CSMD2: variants seen among roughly 807,000 people sequenced by gnomAD.
The protein encoded by CSMD2 is CUB and sushi domain-containing protein 2.
Under a neutral mutation model 398.5 loss-of-function variants are expected in CSMD2, and 130 were observed. The ratio of observed to expected loss-of-function variants is 0.33; its 90% CI spans 0.28 to 0.38. CSMD2 has a LOEUF of 0.38. CSMD2 is among the 10% of genes least tolerant of loss of function. The probability of loss-of-function intolerance (pLI) is 1.00; values close to 1 mark genes in which losing one functional copy is unlikely to be tolerated. For synonymous variants in CSMD2, 1,828 were observed against 1,908.5 expected (o/e 0.96, Z 1.10); for missense variants, 3,829 against 4,764.9 (o/e 0.80, Z 5.78).
chr1:34,052,970 AG>A (rs1347935251), intron 2 of CSMD2, among the ~76,000 whole-genome samples: 1 of 152,120 alleles, frequency 6.6e-6, no homozygotes, highest in Non-Finnish European at 1.5e-5. Flanking sequence ...ACAAAGAGCA[AG>A]CTGGTGATGG....
chr1:33,887,064 T>C (rs1039495566), intron 5 of CSMD2, among the ~76,000 whole-genome samples: 1 of 152,170 alleles, frequency 6.6e-6, no homozygotes, highest in Admixed American at 6.5e-5. Context: ...AAGTCCGTTC[T>C]CTTTCTTCTA....
chr1:33,750,755 A>C (rs1365143863), intron 13 of CSMD2, among the ~76,000 whole-genome samples: 2 of 152,230 alleles, frequency 1.3e-5, no homozygotes, highest in Non-Finnish European at 2.9e-5. Context: ...TGATGCTAGA[A>C]CAAATGGCTA....
At chr1:33,707,683 A>ACGCGCG (rs148089714) in intron 22 of CSMD2, among the ~76,000 whole-genome samples, 18 of 72,258 alleles carry the variant, frequency 2.5e-4, no homozygotes, top group Admixed American at 1.3e-3. Context: ...ACGCGTGCAC[A>ACGCGCG]CGCGCGCGCG....
Position 34,031,071 on chromosome 1 carries a change from G to C in CSMD2, c.517+1523C>G, listed in dbSNP as rs147746968. On this transcript the variant is annotated intron_variant, in intron 3 of 70. Transcript: ENST00000373381. Reference sequence around the variant, plus strand: ...ATAAATAGGATGACAAAAATCACAGGCTTGATATTGGTAGGAACTTTTTTT... The same window carrying C: ...ATAAATAGGATGACAAAAATCACAGCCTTGATATTGGTAGGAACTTTTTTT... Among the ~76,000 whole-genome samples, 236 of 152,074 alleles carry C rather than the reference G, an allele frequency of 1.6e-3. 1 individual carries two copies. The highest frequency in any genetic ancestry group is 2.9e-3 in the Non-Finnish European group (198 of 67,986).
At chr1:33,531,044 GTGACCATAGTTAATAACAA>G (rs1296043265) in intron 64 of CSMD2, among the ~76,000 whole-genome samples, 1 of 152,124 alleles carries the variant, frequency 6.6e-6, no homozygotes, top group East Asian at 1.9e-4. Context: ...GTACATCATG[GTGACCATAGTTAATAACAA>G]TGCACTGTGT....
intron 1 of CSMD2, among the ~76,000 whole-genome samples, chr1:34,161,263 C>T (rs771125): frequency 0.99 from 151,405 of 152,316 alleles, 75,253 homozygotes; most frequent in Middle Eastern, 1. Context: ...CAGCTGGATA[C>T]ATGGGTTACC....
chr1:33,987,071 G>T (rs976962487), intron 3 of CSMD2, among the ~76,000 whole-genome samples: 2 of 152,052 alleles, frequency 1.3e-5, no homozygotes, highest in African/African-American at 4.8e-5. Flanking sequence ...GCCCAGAGGG[G>T]CTAAGTTCAT....
chr1:33,764,547 C>A (rs1318916303), intron 13 of CSMD2, among the ~76,000 whole-genome samples: 1 of 152,152 alleles, frequency 6.6e-6, no homozygotes, highest in Non-Finnish European at 1.5e-5. Context: ...CTGGGACTTC[C>A]TAAGTTCCCT....
chr1:34,142,011 C>T (rs1003315244), intron 1 of CSMD2, among the ~76,000 whole-genome samples: 5 of 152,132 alleles, frequency 3.3e-5, no homozygotes, highest in South Asian at 2.1e-4. Context: ...CCACGTTGCA[C>T]GGTGACTGCT....
chr1:33,617,977 C>T (rs955808396), intron 37 of CSMD2, among the ~76,000 whole-genome samples: 10 of 151,902 alleles, frequency 6.6e-5, no homozygotes, highest in Non-Finnish European at 4.4e-5. Flanking sequence ...TAACTCCCCT[C>T]TGTCTTCCTT....
At position 34,014,538 on chromosome 1, in the gene CSMD2, G is replaced by A. The variant is rs552394328; in HGVS notation, c.517+18056C>T. On this transcript the variant is annotated intron_variant, in intron 3 of 70. Transcript: ENST00000373381. Reference sequence around the variant, plus strand: ...TCAGAGCCTGGGAATTCCCCAGTAGGCCATGGTGTGGAATCCACAGTCGCT... The same window carrying A: ...TCAGAGCCTGGGAATTCCCCAGTAGACCATGGTGTGGAATCCACAGTCGCT... 4.6e-5 allele frequency among the ~76,000 whole-genome samples: 7 copies of A among 152,344 alleles called. No homozygotes were observed. The South Asian group carries it at 1.2e-3, about 27-fold the overall frequency.
chr1:33,589,288 A>G (rs765801762), intron 44 of CSMD2, among the ~76,000 whole-genome samples: 7 of 152,184 alleles, frequency 4.6e-5, no homozygotes, highest in Non-Finnish European at 8.8e-5. Context: ...ACTGGGTGCC[A>G]TCATTCTTCT....
chr1:33,954,091 C>A (rs1281449239), intron 3 of CSMD2, among the ~76,000 whole-genome samples: 18 of 152,264 alleles, frequency 1.2e-4, no homozygotes. Flanking sequence ...TGGACCCAGG[C>A]AGATAATCCA....
At chr1:34,153,945 T>G (rs1339937469) in intron 1 of CSMD2, among the ~76,000 whole-genome samples, 1 of 152,108 alleles carries the variant, frequency 6.6e-6, no homozygotes, top group Non-Finnish European at 1.5e-5. Flanking sequence ...ATATGCCAAA[T>G]AGATGGATTA....
chr1:33,804,359 G>C (rs1450057918), intron 10 of CSMD2, among the ~76,000 whole-genome samples: 3 of 152,102 alleles, frequency 2.0e-5, no homozygotes, highest in African/African-American at 7.2e-5. Context: ...CAGTTCTAAG[G>C]GGCTATTCCA....
intron 5 of CSMD2, among the ~76,000 whole-genome samples, chr1:33,888,053 T>G (rs988694319): frequency 2.4e-4 from 37 of 152,092 alleles, no homozygotes; most frequent in African/African-American, 8.4e-4. Context: ...GAAAAAAACC[T>G]AACAAGAAAT....
intron 13 of CSMD2, among the ~76,000 whole-genome samples, chr1:33,770,922 G>C (rs1569845251): frequency 6.6e-6 from 1 of 152,150 alleles, no homozygotes; most frequent in Non-Finnish European, 1.5e-5. Context: ...GGTTTTACAG[G>C]GATGTTATAA....
chr1:33,922,811 ACC>A (rs1158749584), intron 4 of CSMD2, among the ~76,000 whole-genome samples: 1 of 151,736 alleles, frequency 6.6e-6, no homozygotes, highest in Non-Finnish European at 1.5e-5. Flanking sequence ...CCATTGCTGT[ACC>A]CCAAGCCATG....
intron 67 of CSMD2, among the ~76,000 whole-genome samples, chr1:33,522,980 C>T (rs1654448986): frequency 6.6e-6 from 1 of 152,218 alleles, no homozygotes; most frequent in Non-Finnish European, 1.5e-5. Flanking sequence ...CTTCCAGCTC[C>T]CACCCACCAC....
Sources: allele counts gnomAD v4.1 joint callset (sites outside exome capture counted in the v4.1 genomes callset), GRCh38; gene constraint gnomAD v4.1.1; transcripts MANE v1.5; gene names NCBI Gene and HGNC (gene_info 2026-07-23, HGNC 2026-07-21).